The following ACTN4 variants were observed in gnomAD, a reference collection of about 807,000 sequenced individuals.
ACTN4 encodes the protein alpha-actinin-4.
Under a neutral mutation model 114.2 loss-of-function variants are expected in ACTN4, and 18 were observed. That is an observed-to-expected ratio of 0.16 (90% CI 0.11 to 0.23). The LOEUF is 0.23. Ranked by LOEUF, ACTN4 falls within the 10% of genes least tolerant of loss-of-function variation. ACTN4 has a pLI of 1.00. For missense variants in ACTN4, 722 were observed against 1,262.9 expected (o/e 0.57, Z 6.49); for synonymous variants, 515 against 506.3 (o/e 1.02, Z -0.23).
At chr19:38,652,685 G>C (rs572632543) in intron 1 of ACTN4, among the ~76,000 whole-genome samples, 78 of 152,232 alleles carry the variant, frequency 5.1e-4, no homozygotes, top group Non-Finnish European at 8.1e-4. Flanking sequence ...GCTGCCTTGT[G>C]GGGGGGAAAG....
At chr19:38,652,585 C>G (rs1976597765) in intron 1 of ACTN4, among the ~76,000 whole-genome samples, 1 of 152,158 alleles carries the variant, frequency 6.6e-6, no homozygotes, top group East Asian at 1.9e-4. Context: ...AGGGAGGCTA[C>G]TTTGGTGGCA....
chr19:38,724,442 G>A lies in ACTN4; in HGVS notation c.1887G>A (p.Leu629=), dbSNP rs1419893077. The stretch of plus-strand genomic sequence containing the variant: ...GTCTCCTCTGCCAGGTGCAGCAGCT[G>A]GTGCCAAAACGGGACCATGCCCTCC... ...INSKWEKVQQ[L]VPKRDHALLE... Residue 629 remains leucine (L), a synonymous_variant, in exon 16 of 21, where the codon CTG becomes CTA. Coordinates refer to ENST00000252699, the MANE Select transcript of ACTN4 (RefSeq NM_004924.6). The surrounding 1 kb of genome is among the most constrained non-coding windows in gnomAD (Gnocchi z 7.0). The A allele has an allele frequency of 6.2e-7, 1 of 1,613,414 alleles. No individual in the cohort carries two copies. Among genetic ancestry groups the A allele is most frequent in the South Asian group, 1.1e-5 (1 of 91,084 alleles).
chr19:38,717,153 A>G lies in ACTN4; in HGVS notation c.980A>G (p.Glu327Gly), dbSNP rs1599845636. ...EDRVPQKTIQ[E>G]MQQKLEDFRD... ...CGTGTGCCCCAAAAGACTATCCAGG[A>G]GATGCAGCAGAAGCTGGAGGACTTC... is the stretch of plus-strand genomic sequence containing the variant. The change falls in exon 10 of 21, where the codon GAG becomes GGG. Residue 327 changes from glutamate to glycine, a missense_variant. Around this residue, in one of 3 missense-constraint regions of ACTN4, gnomAD observed 523 missense variants for 875.9 expected, o/e 0.60. Coordinates refer to ENST00000252699, the MANE Select transcript of ACTN4 (RefSeq NM_004924.6). This position sits in a 1 kb window ranked among gnomAD's most constrained non-coding sequence, Gnocchi z 4.0. 1 of 1,614,258 alleles carries G rather than the reference A, an allele frequency of 6.2e-7. No homozygotes were observed. The highest frequency in any genetic ancestry group is 1.1e-5 in the South Asian group (1 of 91,086).
At chr19:38,687,991 A>G (rs551614052) in intron 1 of ACTN4, among the ~76,000 whole-genome samples, 1 of 137,756 alleles carries the variant, frequency 7.3e-6, no homozygotes, top group African/African-American at 2.6e-5. Flanking sequence ...CAAATGGTCA[A>G]TAAGCACATG....
At chr19:38,700,764 G>T in intron 2 of ACTN4, 50 bp downstream of exon 2, 1 of 1,543,326 alleles carries the variant, frequency 6.5e-7, no homozygotes. Flanking sequence ...CAGGTGCTCT[G>T]CCACAGCGGT....
At chr19:38,696,195 C>T (rs920966950) in intron 1 of ACTN4, among the ~76,000 whole-genome samples, 2 of 152,102 alleles carry the variant, frequency 1.3e-5, no homozygotes, top group South Asian at 2.1e-4. Context: ...GTGGACTGAT[C>T]GCTTGATTAA....
chr19:38,714,448 T>A (rs571169013), intron 8 of ACTN4, 21 bp from the exon 9 acceptor site: 1 of 1,612,772 alleles, frequency 6.2e-7, no homozygotes, highest in Admixed American at 1.7e-5. Context: ...CAGGCAGCCC[T>A]GACTGTGTGC....
chr19:38,673,361 C>T lies in ACTN4; in HGVS notation c.162+25454C>T, dbSNP rs1388785205. 4.0e-5 allele frequency among the ~76,000 whole-genome samples: 6 copies of T among 148,756 alleles called. No individual in the cohort carries two copies. In the East Asian group the frequency reaches 7.8e-4, roughly 19 times the overall value. ...GTCCTCATGGAGCACACAGCCTAGT[C>T]GGGGACAATAGGCATTAAAAAATAC... On this transcript the variant is annotated intron_variant, in intron 1 of 20. Coordinates refer to ENST00000252699, the MANE Select transcript of ACTN4 (RefSeq NM_004924.6).
rs1271506061 is a variant in ACTN4, at chr19:38,688,312, G to T, written c.163-12288G>T. ...GCCTGTAATCCTAGCACTTTGGGAG[G>T]CCGAGGCGAGTGGATCACCTGAGGT... On this transcript the variant is annotated intron_variant, in intron 1 of 20. Coordinates refer to ENST00000252699, the MANE Select transcript of ACTN4 (RefSeq NM_004924.6). Among the ~76,000 whole-genome samples the T allele has an allele frequency of 2.0e-5, 3 of 150,004 alleles. No homozygotes were observed. In the Admixed American group the frequency reaches 2.0e-4, roughly 10 times the overall value.
chr19:38,650,799 G>T (rs989528772), intron 1 of ACTN4, among the ~76,000 whole-genome samples: 40 of 152,104 alleles, frequency 2.6e-4, no homozygotes, highest in African/African-American at 9.6e-4. Context: ...GCCCGGGCGT[G>T]ATCTTGGCTC....
Position 38,729,713 on chromosome 19 carries a change from G to T in ACTN4, c.*281G>T. On this transcript the variant is annotated 3_prime_UTR_variant, in exon 21 of 21. Coordinates refer to ENST00000252699, the MANE Select transcript of ACTN4 (RefSeq NM_004924.6). ...TTTTTTAACCAAGGAGGGGCCAGTG[G>T]ATTCCCACAGCACAACCGGTCCCTT... 1.6e-6 allele frequency: 1 copy of T among 624,772 alleles called. No homozygotes were observed. Among genetic ancestry groups the T allele is most frequent in the Non-Finnish European group, 3.0e-6 (1 of 337,452 alleles). The allele number at this position is 624,772 out of a possible 1,614,324, so 38.7% of individuals were successfully genotyped here. A position where few individuals can be genotyped will look rare whatever the true frequency, so the allele number is the denominator to read the frequency against.
chr19:38,703,401 G>C (rs1968349142), intron 3 of ACTN4, among the ~76,000 whole-genome samples: 1 of 150,928 alleles, frequency 6.6e-6, no homozygotes, highest in African/African-American at 2.4e-5. Context: ...ACCACGCCAG[G>C]CTAATTTTGT....
At chr19:38,664,061 G>A (rs554559649) in intron 1 of ACTN4, among the ~76,000 whole-genome samples, 1 of 152,170 alleles carries the variant, frequency 6.6e-6, no homozygotes, top group Non-Finnish European at 1.5e-5. Flanking sequence ...CGGAACGGCC[G>A]CCCTGTATTG....
At chr19:38,728,410 G>GCTCCTT in intron 19 of ACTN4, 1 of 771,546 alleles carries the variant, frequency 1.3e-6, no homozygotes. Context: ...CCAGCCACCC[G>GCTCCTT]CTCCTCCTCC....
intron 1 of ACTN4, among the ~76,000 whole-genome samples, chr19:38,662,723 G>A (rs1188931509): frequency 6.6e-6 from 1 of 152,198 alleles, no homozygotes. Flanking sequence ...AGTTTCCATG[G>A]TGGGTGGCTT....
intron 1 of ACTN4, among the ~76,000 whole-genome samples, chr19:38,689,329 C>T (rs1967847056): frequency 6.6e-6 from 1 of 152,108 alleles, no homozygotes; most frequent in African/African-American, 2.4e-5. Flanking sequence ...GATCATATAC[C>T]ATATGGTTCC....
chr19:38,725,679 G>T, intron 16 of ACTN4, 45 bp from the exon 17 acceptor site: 2 of 1,598,066 alleles, frequency 1.3e-6, no homozygotes, highest in Non-Finnish European at 1.7e-6. Context: ...GTCAGTGGGG[G>T]CAGGCCCACC....
intron 2 of ACTN4, 71 bp downstream of exon 2, chr19:38,700,785 C>T (rs1599819981): frequency 1.4e-6 from 2 of 1,466,912 alleles, no homozygotes; most frequent in Non-Finnish European, 1.9e-6. Context: ...CCCCAGAGAC[C>T]CTGCCCACCC....
At position 38,727,937 on chromosome 19, in the gene ACTN4, C is replaced by T. The variant is rs1397095234; in HGVS notation, c.2338-9C>T. 2 of 1,611,930 alleles carry T rather than the reference C, an allele frequency of 1.2e-6. No homozygotes were observed. The highest frequency in any genetic ancestry group is 1.7e-5 in the Admixed American group (1 of 59,888). ...CTCCCGCACACCTGCCTTCGGATGG[C>T]CCCGGCAGGATCATGGCGGGGCGCT... is the stretch of plus-strand genomic sequence containing the variant. On this transcript the variant is annotated splice_polypyrimidine_tract_variant and intron_variant, in intron 18 of 20. Transcript: ENST00000252699. The surrounding 1 kb of genome is among the most constrained non-coding windows in gnomAD (Gnocchi z 5.4).
Sources: gnomAD v4.1 joint callset for allele counts (sites outside exome capture counted in the v4.1 genomes callset) on GRCh38, gnomAD v4.1.1 for gene constraint, gnomAD v4.1.1 regional missense constraint, Gnocchi (gnomAD v3.1) non-coding constraint, MANE v1.5 for transcripts, NCBI Gene and HGNC (gene_info 2026-07-23, HGNC 2026-07-21) for gene names.